Variants in ATL1 observed in about 807,000 individuals in gnomAD.
ATL1 encodes atlastin GTPase 1.
In ATL1, 31 loss-of-function variants were observed where a neutral mutation model predicts 75.5. The observed-to-expected ratio is 0.41, with a 90% CI of 0.31 to 0.55. ATL1 has a LOEUF of 0.55. Ranked by LOEUF, ATL1 falls within the 20% of genes least tolerant of loss-of-function variation. The pLI, the probability that ATL1 is intolerant of heterozygous loss-of-function variation, is 0.27. For synonymous variants in ATL1, 226 were observed against 233.3 expected, an observed-to-expected ratio of 0.97 and a Z score of 0.28; for missense variants, 405 against 662.6, an observed-to-expected ratio of 0.61 and a Z score of 4.27.
At chr14:50,570,887 G>T (rs193267271) in intron 1 of ATL1, among the ~76,000 whole-genome samples, 7 of 152,224 alleles carry the variant, frequency 4.6e-5, no homozygotes, top group African/African-American at 1.7e-4. Flanking sequence ...TTTAATTGTT[G>T]TAGGATGTCT....
intron 1 of ATL1, among the ~76,000 whole-genome samples, chr14:50,580,163 G>T (rs866763951): frequency 3.9e-5 from 6 of 152,028 alleles, no homozygotes; most frequent in Admixed American, 3.3e-4. Flanking sequence ...AATGTATCAC[G>T]GTTATTTATC....
At chr14:50,577,519 T>G (rs2140191426) in intron 1 of ATL1, among the ~76,000 whole-genome samples, 2 of 152,328 alleles carry the variant, frequency 1.3e-5, no homozygotes, top group South Asian at 2.1e-4. Context: ...TCCACATAAT[T>G]CACCCACTTA....
chr14:50,536,436 CAAAAAAAAAAAAA>C (rs34686813), intron 1 of ATL1, among the ~76,000 whole-genome samples: 1 of 107,242 alleles, frequency 9.3e-6, no homozygotes, highest in African/African-American at 3.3e-5. Context: ...AACTCTGTCT[CAAAAAAAAAAAAA>C]AAAAAAAATT....
chr14:50,544,465 G>T (rs766758125), intron 1 of ATL1, among the ~76,000 whole-genome samples: 2 of 152,138 alleles, frequency 1.3e-5, no homozygotes, highest in Non-Finnish European at 2.9e-5. Context: ...GACAATTCTG[G>T]ACAATGACAC....
At chr14:50,565,826 T>C (rs536696237) in intron 1 of ATL1, among the ~76,000 whole-genome samples, 1 of 152,288 alleles carries the variant, frequency 6.6e-6, no homozygotes, top group South Asian at 2.1e-4. Flanking sequence ...TCTTCCTCTT[T>C]TACATAAAAA....
At chr14:50,621,659 C>T (rs1183967463) in intron 9 of ATL1, among the ~76,000 whole-genome samples, 184 bp from the exon 10 acceptor site, 1 of 151,918 alleles carries the variant, frequency 6.6e-6, no homozygotes, top group African/African-American at 2.4e-5. Flanking sequence ...TTGAAAAAGG[C>T]ATTTCAGGAA....
At chr14:50,619,417 GGTCTC>G (rs1566732681) in intron 8 of ATL1, among the ~76,000 whole-genome samples, 3 of 152,004 alleles carry the variant, frequency 2.0e-5, no homozygotes, top group Admixed American at 6.5e-5. Flanking sequence ...TGGCCAGGCT[GGTCTC>G]AGACTCCTGA....
intron 1 of ATL1, among the ~76,000 whole-genome samples, chr14:50,537,598 G>A (rs2038511176): frequency 6.6e-6 from 1 of 152,246 alleles, no homozygotes; most frequent in Non-Finnish European, 1.5e-5. Flanking sequence ...AAAGCAGCCA[G>A]AGGGAGGCTG....
At chr14:50,561,749 A>C (rs1433844388) in intron 1 of ATL1, among the ~76,000 whole-genome samples, 1 of 152,118 alleles carries the variant, frequency 6.6e-6, no homozygotes, top group African/African-American at 2.4e-5. Context: ...GAGATCATGA[A>C]ACTTCAGTTT....
At chr14:50,574,935 GTGTATATATATATA>G (rs1387299993) in intron 1 of ATL1, among the ~76,000 whole-genome samples, 550 of 34,584 alleles carry the variant, frequency 0.016, 14 homozygotes, top group African/African-American at 0.06. Flanking sequence ...GTGTGTGTGT[GTGTATATATATATA>G]TATATATATA....
chr14:50,629,742 A>G (rs944884932), intron 12 of ATL1, among the ~76,000 whole-genome samples: 1 of 152,188 alleles, frequency 6.6e-6, no homozygotes, highest in Non-Finnish European at 1.5e-5. Flanking sequence ...TCCCTCAACC[A>G]CAAAAGATTT....
chr14:50,614,224 C>A, intron 7 of ATL1, 149 bp from the exon 8 acceptor site: 1 of 887,076 alleles, frequency 1.1e-6, no homozygotes. Flanking sequence ...CAAACCCACC[C>A]AAGACTTTCT....
At chr14:50,597,706 T>G (rs140601296) in intron 6 of ATL1, among the ~76,000 whole-genome samples, 4,524 of 152,318 alleles carry the variant, frequency 0.03, 92 homozygotes, top group South Asian at 0.048. Context: ...TTATTTTTTT[T>G]CTTTTTGAGA....
At chr14:50,561,302 A>G (rs1203067277) in intron 1 of ATL1, among the ~76,000 whole-genome samples, 1 of 152,248 alleles carries the variant, frequency 6.6e-6, no homozygotes, top group Non-Finnish European at 1.5e-5. Flanking sequence ...ACTCACCAGC[A>G]TCTTAGGAAC....
At chr14:50,606,851 G>A (rs979441990) in intron 6 of ATL1, among the ~76,000 whole-genome samples, 1 of 152,010 alleles carries the variant, frequency 6.6e-6, no homozygotes, top group African/African-American at 2.4e-5. Flanking sequence ...GAATAAGCAG[G>A]CTAATGGCAA....
chr14:50,546,944 C>A (rs1169282337), intron 1 of ATL1, among the ~76,000 whole-genome samples: 1 of 152,076 alleles, frequency 6.6e-6, no homozygotes, highest in African/African-American at 2.4e-5. Context: ...CCCATATACC[C>A]GTCATCTACA....
intron 1 of ATL1, among the ~76,000 whole-genome samples, chr14:50,535,803 T>C (rs2038483841): frequency 6.6e-6 from 1 of 152,220 alleles, no homozygotes; most frequent in African/African-American, 2.4e-5. Context: ...ATGTTACTGA[T>C]ATGGTTTGTC....
intron 9 of ATL1, among the ~76,000 whole-genome samples, chr14:50,621,269 AG>A (rs1350567874): frequency 6.6e-6 from 1 of 152,234 alleles, no homozygotes; most frequent in African/African-American, 2.4e-5. Flanking sequence ...GGAGAATTTC[AG>A]TTACCAACCC....
At chr14:50,612,708 G>A (rs10146136) in intron 6 of ATL1, among the ~76,000 whole-genome samples, 15,484 of 152,058 alleles carry the variant, frequency 0.1, 1,101 homozygotes, top group South Asian at 0.24. Context: ...GGAGACGACT[G>A]GATGATGTTC....
Sources: allele counts gnomAD v4.1 joint callset (sites outside exome capture counted in the v4.1 genomes callset), GRCh38; gene constraint gnomAD v4.1.1; transcripts MANE v1.5; gene names NCBI Gene and HGNC (gene_info 2026-07-23, HGNC 2026-07-21).